The following EEPD1 variants were observed in gnomAD, a reference collection of about 807,000 sequenced individuals.
The protein encoded by EEPD1 is endonuclease/exonuclease/phosphatase family domain-containing protein 1.
EEPD1 carries 17 observed loss-of-function variants against 46.3 expected under a neutral mutation model. The observed-to-expected ratio is 0.37, with a 90% CI of 0.25 to 0.55. EEPD1 has a LOEUF of 0.55. Ranked by LOEUF, EEPD1 falls within the 20% of genes least tolerant of loss-of-function variation. EEPD1 has a pLI of 0.83. For missense variants in EEPD1, 673 were observed against 745.6 expected (o/e 0.90, Z 1.13); for synonymous variants, 313 against 315.6 (o/e 0.99, Z 0.09).
chr7:36,171,266 G>A (rs1011198137), intron 2 of EEPD1, among the ~76,000 whole-genome samples: 5 of 151,664 alleles, frequency 3.3e-5, no homozygotes, highest in South Asian at 2.1e-4. Flanking sequence ...TTGGCTGTAC[G>A]CTAAACCTCA....
chr7:36,225,914 C>A lies in EEPD1; in HGVS notation c.879-13071C>A, dbSNP rs1417659861. Among the ~76,000 whole-genome samples, 1 of 152,206 alleles carries A rather than the reference C, an allele frequency of 6.6e-6. No homozygotes were observed. The highest frequency in any genetic ancestry group is 2.4e-5 in the African/African-American group (1 of 41,452). ...GGGCTTAGGGAAGTATACAAACATGCTCCTTTCTTTAAAATTCATTTTAAA... is the reference window on the plus strand; with the variant it reads ...GGGCTTAGGGAAGTATACAAACATGATCCTTTCTTTAAAATTCATTTTAAA... On this transcript the variant is annotated intron_variant, in intron 2 of 7. Coordinates refer to ENST00000242108, the MANE Select transcript of EEPD1 (RefSeq NM_030636.3). This position sits in a 1 kb window ranked among gnomAD's most constrained non-coding sequence, Gnocchi z 4.2.
At chr7:36,222,253 G>A (rs1786159006) in intron 2 of EEPD1, among the ~76,000 whole-genome samples, 1 of 152,114 alleles carries the variant, frequency 6.6e-6, no homozygotes, top group Admixed American at 6.5e-5. Flanking sequence ...TACAAATAAA[G>A]TAAACTAAGG....
intron 2 of EEPD1, among the ~76,000 whole-genome samples, chr7:36,218,918 A>G (rs1786081780): frequency 6.6e-6 from 1 of 152,160 alleles, no homozygotes; most frequent in African/African-American, 2.4e-5. Flanking sequence ...AATTTGGTTA[A>G]TAAAAGCTTA....
chr7:36,187,980 T>A (rs1785391501), intron 2 of EEPD1, among the ~76,000 whole-genome samples: 1 of 152,176 alleles, frequency 6.6e-6, no homozygotes, highest in Non-Finnish European at 1.5e-5. Flanking sequence ...CTATTTTTAG[T>A]AGAGACAGGG....
At chr7:36,260,424 G>A (rs1226770768) in intron 3 of EEPD1, among the ~76,000 whole-genome samples, 1 of 152,104 alleles carries the variant, frequency 6.6e-6, no homozygotes, top group Admixed American at 6.5e-5. Flanking sequence ...AATCTTTCTG[G>A]CAATGAGTGA....
chr7:36,238,729 G>A (rs557373970), intron 2 of EEPD1, among the ~76,000 whole-genome samples: 47 of 152,184 alleles, frequency 3.1e-4, no homozygotes, highest in Non-Finnish European at 5.4e-4. Context: ...TCGAGTTCCT[G>A]CTTTCAATTC....
intron 2 of EEPD1, among the ~76,000 whole-genome samples, chr7:36,226,702 G>A (rs180940601): frequency 0.011 from 1,678 of 152,240 alleles, 27 homozygotes; most frequent in African/African-American, 0.039. Flanking sequence ...ACTACTTAGA[G>A]ATAGAAAAAC....
chr7:36,249,988 G>T (rs539790088), intron 3 of EEPD1, among the ~76,000 whole-genome samples: 1 of 152,324 alleles, frequency 6.6e-6, no homozygotes, highest in East Asian at 1.9e-4. Context: ...GGAGGCTGAG[G>T]CAGGAGGATC....
chr7:36,228,809 C>T (rs965805779), intron 2 of EEPD1: 1 of 152,156 alleles, frequency 6.6e-6, no homozygotes, highest in Non-Finnish European at 1.5e-5. Context: ...CCTTGGGTTA[C>T]CTCTGGGACT....
At chr7:36,172,620 T>TG (rs1562673317) in intron 2 of EEPD1, among the ~76,000 whole-genome samples, 4 of 67,820 alleles carry the variant, frequency 5.9e-5, no homozygotes, top group African/African-American at 2.5e-4. Context: ...ATTATGAGTT[T>TG]TTTTTTTTTT....
chr7:36,271,375 T>G (rs1029771989), intron 3 of EEPD1, among the ~76,000 whole-genome samples: 3 of 152,202 alleles, frequency 2.0e-5, no homozygotes, highest in Non-Finnish European at 4.4e-5. Flanking sequence ...GATGAGCTTT[T>G]GTTCATATGT....
At chr7:36,200,446 G>A (rs6462663) in intron 2 of EEPD1, among the ~76,000 whole-genome samples, 96,587 of 152,032 alleles carry the variant, frequency 0.64, 30,988 homozygotes, top group East Asian at 0.87. Context: ...TATAAATCTT[G>A]AATTCTTCCT....
intron 2 of EEPD1, among the ~76,000 whole-genome samples, chr7:36,156,335 C>T (rs950491050): frequency 6.6e-6 from 1 of 152,180 alleles, no homozygotes; most frequent in African/African-American, 2.4e-5. Flanking sequence ...GAGAGAGGGA[C>T]TCCACACTGG....
chr7:36,167,322 C>T (rs1785001887), intron 2 of EEPD1, among the ~76,000 whole-genome samples: 1 of 152,104 alleles, frequency 6.6e-6, no homozygotes, highest in African/African-American at 2.4e-5. Context: ...GCAACTTGCT[C>T]CTCTGAGTTT....
chr7:36,249,919 T>C (rs1339163694), intron 3 of EEPD1, among the ~76,000 whole-genome samples: 1 of 152,136 alleles, frequency 6.6e-6, no homozygotes, highest in South Asian at 2.1e-4. Context: ...GTTCTTATGA[T>C]ATCAAAAAAA....
intron 2 of EEPD1, among the ~76,000 whole-genome samples, chr7:36,201,841 G>T (rs981285773): frequency 6.6e-6 from 1 of 152,194 alleles, no homozygotes; most frequent in African/African-American, 2.4e-5. Context: ...CTTGCTGGAT[G>T]GAGCCTGAGG....
chr7:36,248,476 G>T (rs1039733617), intron 3 of EEPD1, among the ~76,000 whole-genome samples: 2 of 149,898 alleles, frequency 1.3e-5, no homozygotes, highest in East Asian at 2.0e-4. Flanking sequence ...CAAAGTGCTG[G>T]GATTACAGGC....
intron 2 of EEPD1, among the ~76,000 whole-genome samples, chr7:36,160,217 A>C (rs1176333204): frequency 6.6e-6 from 1 of 152,228 alleles, no homozygotes. Context: ...GTTCTGTATC[A>C]GGCTCTGGTA....
At chr7:36,207,676 A>G (rs958451820) in intron 2 of EEPD1, among the ~76,000 whole-genome samples, 6 of 152,338 alleles carry the variant, frequency 3.9e-5, no homozygotes, top group South Asian at 2.1e-4. Flanking sequence ...TCCTGCGTGC[A>G]GCTACCATTT....
Sources: gnomAD v4.1 joint callset for allele counts (sites outside exome capture counted in the v4.1 genomes callset) on GRCh38, gnomAD v4.1.1 for gene constraint, Gnocchi (gnomAD v3.1) non-coding constraint, MANE v1.5 for transcripts, NCBI Gene and HGNC (gene_info 2026-07-23, HGNC 2026-07-21) for gene names.